Variants in MYO3B observed in about 807,000 individuals in gnomAD.
MYO3B encodes myosin IIIB, also known as myosin-IIIb.
MYO3B carries 156 observed loss-of-function variants against 174.6 expected under a neutral mutation model. The ratio of observed to expected loss-of-function variants is 0.89; its 90% CI spans 0.78 to 1.02. The LOEUF is 1.02. Among genes scored for constraint, MYO3B ranks in the 50% least tolerant of loss-of-function variants. The probability of loss-of-function intolerance (pLI) is 0.00; values close to 1 mark genes in which losing one functional copy is unlikely to be tolerated. For synonymous variants in MYO3B, 563 were observed against 569.1 expected (o/e 0.99, Z 0.15); for missense variants, 1,632 against 1,639.4 (o/e 1.00, Z 0.08).
chr2:170,459,836 A>G (rs1348323767), intron 23 of MYO3B, among the ~76,000 whole-genome samples: 1 of 151,792 alleles, frequency 6.6e-6, no homozygotes, highest in African/African-American at 2.4e-5. Context: ...CAGGTGGGGG[A>G]CCTGGTGCAC....
intron 29 of MYO3B, among the ~76,000 whole-genome samples, chr2:170,516,575 A>G (rs1398614269): frequency 6.6e-6 from 1 of 151,374 alleles, no homozygotes; most frequent in Non-Finnish European, 1.5e-5. Context: ...CCCGTGAGGC[A>G]GAGCTTGCAG....
chr2:170,530,853 A>T (rs1012643677), intron 30 of MYO3B, among the ~76,000 whole-genome samples: 1 of 152,208 alleles, frequency 6.6e-6, no homozygotes, highest in Admixed American at 6.5e-5. Flanking sequence ...CATTGTTGCC[A>T]GAAGAAAGAT....
At chr2:170,618,220 A>T (rs1474744691) in intron 32 of MYO3B, among the ~76,000 whole-genome samples, 1 of 152,208 alleles carries the variant, frequency 6.6e-6, no homozygotes, top group Non-Finnish European at 1.5e-5. Context: ...TACTATCATT[A>T]ACATAGACCT....
chr2:170,500,526 T>A (rs1687195761), intron 27 of MYO3B, among the ~76,000 whole-genome samples: 1 of 152,226 alleles, frequency 6.6e-6, no homozygotes, highest in East Asian at 1.9e-4. Context: ...CATTTGCTGC[T>A]ACCCAGGTGC....
chr2:170,243,764 C>G (rs2093161145), intron 7 of MYO3B, among the ~76,000 whole-genome samples: 1 of 152,100 alleles, frequency 6.6e-6, no homozygotes, highest in South Asian at 2.1e-4. Flanking sequence ...AAAAGAGCCA[C>G]CCATGAGATC....
intron 8 of MYO3B, chr2:170,350,209 G>C (rs1484002881): frequency 6.6e-6 from 1 of 152,132 alleles, no homozygotes; most frequent in Non-Finnish European, 1.5e-5. Flanking sequence ...ATGTTGCCCA[G>C]GCTGATCTCC....
At chr2:170,537,528 C>T (rs754513557) in intron 30 of MYO3B, among the ~76,000 whole-genome samples, 4 of 136,298 alleles carry the variant, frequency 2.9e-5, no homozygotes, top group African/African-American at 1.1e-4. Flanking sequence ...TCACTGCAGC[C>T]TCGACCTCCC....
At chr2:170,642,748 T>G (rs1208932434) in intron 32 of MYO3B, among the ~76,000 whole-genome samples, 1 of 152,100 alleles carries the variant, frequency 6.6e-6, no homozygotes, top group African/African-American at 2.4e-5. Flanking sequence ...ACAGAGAATT[T>G]TCCTCCATGA....
intron 8 of MYO3B, among the ~76,000 whole-genome samples, chr2:170,364,056 T>C (rs1339426903): frequency 6.6e-6 from 1 of 152,156 alleles, no homozygotes; most frequent in Non-Finnish European, 1.5e-5. Flanking sequence ...AACACTGTCT[T>C]TTGCAGAAAC....
At chr2:170,372,384 CACTA>C (rs986584434) in intron 9 of MYO3B, among the ~76,000 whole-genome samples, 2 of 152,152 alleles carry the variant, frequency 1.3e-5, no homozygotes, top group African/African-American at 2.4e-5. Context: ...TTCTTTTTAA[CACTA>C]ACTACCTCTT....
At chr2:170,298,980 G>A (rs1354228592) in intron 7 of MYO3B, among the ~76,000 whole-genome samples, 2 of 152,108 alleles carry the variant, frequency 1.3e-5, no homozygotes, top group Admixed American at 1.3e-4. Context: ...AGGAGGAATA[G>A]GCTATATGAT....
At chr2:170,562,094 G>T (rs948365047) in intron 32 of MYO3B, among the ~76,000 whole-genome samples, 11 of 152,132 alleles carry the variant, frequency 7.2e-5, no homozygotes, top group Admixed American at 1.3e-4. Context: ...AACAGAAGGA[G>T]AATTATTAGT....
chr2:170,599,584 T>TA (rs1694372845), intron 32 of MYO3B, among the ~76,000 whole-genome samples: 1 of 152,130 alleles, frequency 6.6e-6, no homozygotes, highest in African/African-American at 2.4e-5. Flanking sequence ...CCATCTCTAC[T>TA]AAAAATACAA....
rs538031714 is a variant in MYO3B at position 170,563,465 on chromosome 2, G to A, written c.3733+19477G>A. ...AACACAAGACAACCCCATAGGAAGG[G>A]AGCTGGGGAATAAAAGAGAATCTTC... On this transcript the variant is annotated intron_variant, in intron 32 of 34. Coordinates refer to ENST00000408978, the MANE Select transcript of MYO3B (RefSeq NM_138995.5). Among the ~76,000 whole-genome samples the A allele has an allele frequency of 3.9e-5, 6 of 152,264 alleles. No homozygotes were observed. The East Asian group carries it at 1.2e-3, about 29-fold the overall frequency.
intron 7 of MYO3B, among the ~76,000 whole-genome samples, chr2:170,294,646 C>T (rs931400480): frequency 3.9e-5 from 6 of 152,084 alleles, no homozygotes; most frequent in African/African-American, 1.4e-4. Flanking sequence ...AACATATCAC[C>T]ATCAAATTAA....
chr2:170,251,073 G>A (rs1485646283), intron 7 of MYO3B, among the ~76,000 whole-genome samples: 1 of 151,912 alleles, frequency 6.6e-6, no homozygotes, highest in Non-Finnish European at 1.5e-5. Flanking sequence ...TTGAGGGTGG[G>A]GCCTTTGCCA....
At chr2:170,236,239 A>C (rs2105298601) in intron 7 of MYO3B, 103 bp downstream of exon 7, 1 of 1,464,186 alleles carries the variant, frequency 6.8e-7, no homozygotes, top group Non-Finnish European at 9.4e-7. Context: ...AAACCTGACA[A>C]AGCCTGATTG....
At chr2:170,578,355 A>G (rs1250161789) in intron 32 of MYO3B, among the ~76,000 whole-genome samples, 1 of 152,240 alleles carries the variant, frequency 6.6e-6, no homozygotes, top group African/African-American at 2.4e-5. Flanking sequence ...CTGAAGCACA[A>G]TTTAAGGGAT....
chr2:170,204,648 T>C (rs2092696972), intron 3 of MYO3B, among the ~76,000 whole-genome samples: 1 of 152,198 alleles, frequency 6.6e-6, no homozygotes, highest in South Asian at 2.1e-4. Context: ...GCTCATTAAA[T>C]TCTAGATGCA....
Sources: gnomAD v4.1 joint callset for allele counts (sites outside exome capture counted in the v4.1 genomes callset) on GRCh38, gnomAD v4.1.1 for gene constraint, MANE v1.5 for transcripts, NCBI Gene and HGNC (gene_info 2026-07-23, HGNC 2026-07-21) for gene names.